MYLK: variants seen among roughly 807,000 people sequenced by gnomAD.
MYLK encodes the protein myosin light chain kinase.
Under a neutral mutation model 203.4 loss-of-function variants are expected in MYLK, and 106 were observed. The ratio of observed to expected loss-of-function variants is 0.52; its 90% CI spans 0.45 to 0.61. MYLK has a LOEUF of 0.61. Ranked by LOEUF, MYLK falls within the 20% of genes least tolerant of loss-of-function variation. The pLI is 0.00. For synonymous variants in MYLK, 867 were observed against 959.5 expected, an observed-to-expected ratio of 0.90 and a Z score of 1.78; for missense variants, 2,072 against 2,442.3, an observed-to-expected ratio of 0.85 and a Z score of 3.20.
chr3:123,690,356 C>T (rs2060614709), intron 19 of MYLK, among the ~76,000 whole-genome samples: 1 of 152,200 alleles, frequency 6.6e-6, no homozygotes, highest in South Asian at 2.1e-4. Context: ...AAACTATGGA[C>T]CCCTCTCTTC....
At chr3:123,852,838 T>C (rs944311281) in intron 2 of MYLK, among the ~76,000 whole-genome samples, 6 of 152,182 alleles carry the variant, frequency 3.9e-5, no homozygotes, top group Non-Finnish European at 7.3e-5. Context: ...ATGTTCAGTT[T>C]GCAACCAGAA....
intron 7 of MYLK, 122 bp from the exon 8 acceptor site, chr3:123,737,665 G>T: frequency 7.6e-7 from 1 of 1,314,108 alleles, no homozygotes; most frequent in Non-Finnish European, 1.1e-6. Context: ...GTCCTCTGCT[G>T]TGGGCCCTGT....
intron 24 of MYLK, among the ~76,000 whole-genome samples, chr3:123,651,495 G>C (rs1414620778): frequency 6.6e-6 from 1 of 152,164 alleles, no homozygotes; most frequent in Non-Finnish European, 1.5e-5. Flanking sequence ...TTGACCTGTG[G>C]TGCTGCTGCC....
At chr3:123,867,599 C>G (rs1248733002) in intron 2 of MYLK, among the ~76,000 whole-genome samples, 3 of 152,066 alleles carry the variant, frequency 2.0e-5, no homozygotes, top group Non-Finnish European at 2.9e-5. Context: ...CTGGCAGCCA[C>G]TAGAAGCCAG....
intron 4 of MYLK, among the ~76,000 whole-genome samples, chr3:123,764,813 G>C (rs1289924213): frequency 1.3e-5 from 2 of 152,128 alleles, no homozygotes; most frequent in African/African-American, 4.8e-5. Context: ...CGCAACCCAG[G>C]CTCTGGAAGT....
At chr3:123,866,094 T>C (rs2032308531) in intron 2 of MYLK, among the ~76,000 whole-genome samples, 1 of 152,224 alleles carries the variant, frequency 6.6e-6, no homozygotes, top group Admixed American at 6.5e-5. Flanking sequence ...TTGAGTCACC[T>C]CAGCTTTTCA....
At chr3:123,870,840 T>C (rs1185440414) in intron 2 of MYLK, among the ~76,000 whole-genome samples, 3 of 152,218 alleles carry the variant, frequency 2.0e-5, no homozygotes, top group Non-Finnish European at 4.4e-5. Context: ...TTTCTATCTG[T>C]ATCTGCCTCT....
intron 20 of MYLK, among the ~76,000 whole-genome samples, chr3:123,678,219 C>T (rs2060141026): frequency 6.6e-6 from 1 of 151,936 alleles, no homozygotes; most frequent in South Asian, 2.1e-4. Context: ...GAGACAGGTG[C>T]CCTCACAATC....
At chr3:123,865,573 A>T (rs531403631) in intron 2 of MYLK, among the ~76,000 whole-genome samples, 1 of 152,304 alleles carries the variant, frequency 6.6e-6, no homozygotes, top group Admixed American at 6.5e-5. Context: ...TAGGTGCTTC[A>T]AAAAACAAAC....
intron 2 of MYLK, among the ~76,000 whole-genome samples, 200 bp downstream of exon 2, chr3:123,876,359 C>A (rs1334027243): frequency 6.6e-6 from 1 of 151,802 alleles, no homozygotes; most frequent in Non-Finnish European, 1.5e-5. Context: ...TCAGAAGGAT[C>A]TTTATATTTT....
chr3:123,625,480 A>AT (rs2058095240), intron 31 of MYLK, among the ~76,000 whole-genome samples: 1 of 150,836 alleles, frequency 6.6e-6, no homozygotes. Context: ...GGAAAAAAAA[A>AT]AAAAAGAAAC....
intron 4 of MYLK, among the ~76,000 whole-genome samples, chr3:123,765,067 A>G (rs1443039932): frequency 1.3e-5 from 2 of 152,240 alleles, no homozygotes; most frequent in Non-Finnish European, 2.9e-5. Context: ...AGCAATAGAA[A>G]ATAACAAGTA....
At chr3:123,782,086 A>G (rs912022076) in intron 4 of MYLK, among the ~76,000 whole-genome samples, 1 of 152,154 alleles carries the variant, frequency 6.6e-6, no homozygotes, top group Non-Finnish European at 1.5e-5. Context: ...GGATCATCTG[A>G]ATCGTGATTT....
At position 123,640,576 on chromosome 3, in the gene MYLK, G is replaced by C; in HGVS notation, c.4620-72C>G. 6.6e-7 allele frequency: 1 copy of C among 1,519,740 alleles called. No homozygotes were observed. Among genetic ancestry groups the C allele is most frequent in the South Asian group, 1.1e-5 (1 of 88,708 alleles). 94.1% of individuals were successfully genotyped at this position (1,519,740 alleles called of 1,614,324 possible). A position where few individuals can be genotyped will look rare whatever the true frequency, so the allele number is the denominator to read the frequency against. ...GCCAGGCTGGCAGGGAGTCTGGCCA[G>C]GGTAGGCTGGGGGTAGGAGAAATTG... On this transcript the variant is annotated intron_variant, in intron 27 of 33. Coordinates refer to ENST00000360304, the MANE Select transcript of MYLK (RefSeq NM_053025.4). This position sits in a 1 kb window ranked among gnomAD's most constrained non-coding sequence, Gnocchi z 4.3.
chr3:123,645,200 T>A (rs756016017), intron 27 of MYLK, among the ~76,000 whole-genome samples: 14 of 152,228 alleles, frequency 9.2e-5, no homozygotes, highest in Non-Finnish European at 1.5e-4. Context: ...GGGTGTCGTA[T>A]CTACATTTAT....
intron 25 of MYLK, 25 bp from the exon 26 acceptor site, chr3:123,649,089 T>C (rs747731954): frequency 6.2e-7 from 1 of 1,614,054 alleles, no homozygotes. Flanking sequence ...TCAGGGTTGG[T>C]GTGAGTCTCA....
Sources: gnomAD v4.1 joint callset for allele counts (sites outside exome capture counted in the v4.1 genomes callset) on GRCh38, gnomAD v4.1.1 for gene constraint, Gnocchi (gnomAD v3.1) non-coding constraint, MANE v1.5 for transcripts, NCBI Gene and HGNC (gene_info 2026-07-23, HGNC 2026-07-21) for gene names.